The following VPS37B variants were observed in gnomAD, a reference collection of about 807,000 sequenced individuals.
VPS37B encodes the protein vacuolar protein sorting-associated protein 37B.
VPS37B carries 11 observed loss-of-function variants against 21.2 expected under a neutral mutation model. That is an observed-to-expected ratio of 0.52 (90% CI 0.33 to 0.86). VPS37B has a LOEUF of 0.86. Among genes scored for constraint, VPS37B ranks in the 40% least tolerant of loss-of-function variants. The pLI is 0.03. For synonymous variants in VPS37B, 175 were observed against 159.6 expected, an observed-to-expected ratio of 1.10 and a Z score of -0.73; for missense variants, 389 against 374.8, an observed-to-expected ratio of 1.04 and a Z score of -0.31.
chr12:122,867,725 A>G lies in VPS37B; in HGVS notation c.367-118T>C. 1 of 1,396,224 alleles carries G rather than the reference A, an allele frequency of 7.2e-7. No individual in the cohort carries two copies. The allele number at this position is 1,396,224 out of a possible 1,614,324, so 86.5% of individuals were successfully genotyped here. A position where few individuals can be genotyped will look rare whatever the true frequency, so the allele number is the denominator to read the frequency against. ...CTTCCAACACTGCCCCCTCCCTGTA[A>G]CCACCCAGAGGGCCTCGCTCCTGCT... On this transcript the variant is annotated intron_variant, in intron 3 of 3. Coordinates refer to ENST00000267202, the MANE Select transcript of VPS37B (RefSeq NM_024667.3). The surrounding 1 kb of genome is among the most constrained non-coding windows in gnomAD (Gnocchi z 5.5).
At chr12:122,890,550 A>G (rs2034398612) in intron 1 of VPS37B, among the ~76,000 whole-genome samples, 1 of 152,052 alleles carries the variant, frequency 6.6e-6, no homozygotes, top group African/African-American at 2.4e-5. Context: ...CTGGTCTCAA[A>G]CTACGGGGCT....
intron 1 of VPS37B, among the ~76,000 whole-genome samples, chr12:122,892,782 G>A (rs149846197): frequency 4.6e-5 from 7 of 152,126 alleles, no homozygotes; most frequent in Non-Finnish European, 8.8e-5. Context: ...CGGTGGCAGC[G>A]GGGTGCGGTG....
chr12:122,892,994 G>A (rs1368984308), intron 1 of VPS37B, among the ~76,000 whole-genome samples: 1 of 150,908 alleles, frequency 6.6e-6, no homozygotes, highest in Non-Finnish European at 1.5e-5. Flanking sequence ...CCAGGAGGCA[G>A]AGGTTGCAGT....
intron 1 of VPS37B, chr12:122,872,829 C>T: frequency 2.9e-6 from 1 of 350,434 alleles, no homozygotes; most frequent in Non-Finnish European, 4.0e-6. Flanking sequence ...CTGCTCAGGA[C>T]TGTTGAGAGC....
At chr12:122,870,813 T>TCCTA in intron 2 of VPS37B, 77 bp downstream of exon 2, 1 of 1,493,950 alleles carries the variant, frequency 6.7e-7, no homozygotes, top group Non-Finnish European at 9.0e-7. Flanking sequence ...AATATTTCTT[T>TCCTA]CCTGGTAGGG....
intron 1 of VPS37B, among the ~76,000 whole-genome samples, chr12:122,890,382 A>G (rs1237052077): frequency 6.6e-6 from 1 of 151,862 alleles, no homozygotes; most frequent in Non-Finnish European, 1.5e-5. Context: ...CCCAGGCTGA[A>G]GTGCAGTGGC....
rs369271881 is a variant in VPS37B at position 122,888,114 on chromosome 12, A to T, written c.111+7838T>A. On this transcript the variant is annotated intron_variant, in intron 1 of 3. Coordinates refer to ENST00000267202, the MANE Select transcript of VPS37B (RefSeq NM_024667.3). ...ACCTTGGAGATAAAAGGTTTGATTT[A>T]AAAGAAACATTAGCTGTAACGCTGC... The T allele has an allele frequency of 6.4e-4, 103 of 161,194 alleles. 2 individuals are homozygous for T. In the South Asian group the frequency reaches 0.014, roughly 22 times the overall value. The allele number at this position is 161,194 out of a possible 1,614,324, so 10.0% of individuals were successfully genotyped here. A position where few individuals can be genotyped will look rare whatever the true frequency, so the allele number is the denominator to read the frequency against.
Position 122,867,068 on chromosome 12 carries a change from A to C in VPS37B, c.*48T>G, listed in dbSNP as rs1355870294. 3 of 1,476,674 alleles carry C rather than the reference A, an allele frequency of 2.0e-6. No homozygotes were observed. The Admixed American group carries it at 8.2e-5, about 40-fold the overall frequency. 91.5% of individuals were successfully genotyped at this position (1,476,674 alleles called of 1,614,324 possible). A position where few individuals can be genotyped will look rare whatever the true frequency, so the allele number is the denominator to read the frequency against. ...CCAGCCTCCTTCCCGTGAGCAGAGC[A>C]CAACACGCCAGGTGGAAGAAGTCTC... On this transcript the variant is annotated 3_prime_UTR_variant, in exon 4 of 4. Coordinates refer to ENST00000267202, the MANE Select transcript of VPS37B (RefSeq NM_024667.3). The surrounding 1 kb of genome is among the most constrained non-coding windows in gnomAD (Gnocchi z 5.5).
intron 1 of VPS37B, chr12:122,884,352 G>C (rs1287555130): frequency 6.6e-6 from 1 of 152,152 alleles, no homozygotes; most frequent in Non-Finnish European, 1.5e-5. Context: ...CCCCTATCTA[G>C]TCCAGACCTA....
intron 1 of VPS37B, chr12:122,879,937 C>T (rs1240917610): frequency 1.3e-5 from 2 of 152,120 alleles, no homozygotes; most frequent in African/African-American, 4.8e-5. Context: ...TGGTGAAACC[C>T]CGTTTCTGCT....
Position 122,866,598 on chromosome 12 carries a change from T to TC in VPS37B, c.*517dup, listed in dbSNP as rs1319767108. On this transcript the variant is annotated 3_prime_UTR_variant, in exon 4 of 4. Coordinates refer to ENST00000267202, the MANE Select transcript of VPS37B (RefSeq NM_024667.3). ...GTCAGGCGGTGACTATGGTGACCTC[T>TC]CCCCAACAGATTCAGTGAGCAACAA... 2 of 152,640 alleles carry TC rather than the reference T, an allele frequency of 1.3e-5. No homozygotes were observed. Among genetic ancestry groups the TC allele is most frequent in the Non-Finnish European group, 2.9e-5 (2 of 68,190 alleles). 9.5% of individuals were successfully genotyped at this position (152,640 alleles called of 1,614,324 possible). A position where few individuals can be genotyped will look rare whatever the true frequency, so the allele number is the denominator to read the frequency against.
At chr12:122,869,189 A>G (rs371150800) in intron 2 of VPS37B, among the ~76,000 whole-genome samples, 4 of 152,378 alleles carry the variant, frequency 2.6e-5, no homozygotes, top group African/African-American at 9.6e-5. Context: ...ATCACTCTGT[A>G]GACGGACATT....
intron 2 of VPS37B, among the ~76,000 whole-genome samples, chr12:122,869,322 G>A (rs1593905666): frequency 1.3e-5 from 2 of 152,306 alleles, no homozygotes; most frequent in African/African-American, 2.4e-5. Flanking sequence ...GCTGTGCAGC[G>A]CATACACACT....
chr12:122,886,447 C>T (rs933501640), intron 1 of VPS37B: 1 of 149,994 alleles, frequency 6.7e-6, no homozygotes, highest in African/African-American at 2.5e-5. Context: ...ATAGCAAGAC[C>T]TCATCTACAC....
chr12:122,871,447 C>T, intron 1 of VPS37B: 3 of 992,182 alleles, frequency 3.0e-6, no homozygotes, highest in South Asian at 9.1e-5. Flanking sequence ...CTGCTGCTCC[C>T]GAGGAAGTTA....
At position 122,868,132 on chromosome 12, in the gene VPS37B, G is replaced by A; in HGVS notation, c.366+348C>T. On this transcript the variant is annotated intron_variant, in intron 3 of 3. Coordinates refer to ENST00000267202, the MANE Select transcript of VPS37B (RefSeq NM_024667.3). This position sits in a 1 kb window ranked among gnomAD's most constrained non-coding sequence, Gnocchi z 5.5. ...GCCTGGCGAGGCTCAAGGCTCTAAT[G>A]CGCAGCTGGACGTGTCCCAGAAGCT... Among the ~76,000 whole-genome samples the A allele has an allele frequency of 6.6e-6, 1 of 152,232 alleles. No individual in the cohort carries two copies. The highest frequency in any genetic ancestry group is 6.5e-5 in the Admixed American group (1 of 15,290).
intron 1 of VPS37B, chr12:122,874,559 A>G (rs929622745): frequency 6.6e-6 from 1 of 152,102 alleles, no homozygotes; most frequent in Non-Finnish European, 1.5e-5. Context: ...AATAAAGACA[A>G]CTCACGTGTC....
rs1427091904 is a variant in VPS37B, at chr12:122,866,691, A to AG, written c.*424dup. 1 of 155,144 alleles carries AG rather than the reference A, an allele frequency of 6.4e-6. No individual in the cohort carries two copies. Among genetic ancestry groups the AG allele is most frequent in the East Asian group, 1.9e-4 (1 of 5,302 alleles). 9.6% of individuals were successfully genotyped at this position (155,144 alleles called of 1,614,324 possible). ...CGGCCGGCGCCCACCCGCCCTCACC[A>AG]GGGCTGCAGTGGCCGGTGGGTGAGA... On this transcript the variant is annotated 3_prime_UTR_variant, in exon 4 of 4. Transcript: ENST00000267202.
At chr12:122,891,977 C>T (rs1174049092) in intron 1 of VPS37B, among the ~76,000 whole-genome samples, 1 of 146,258 alleles carries the variant, frequency 6.8e-6, no homozygotes, top group African/African-American at 2.5e-5. Context: ...TTAGCAGTAA[C>T]CAATCAGCAT....
Sources: gnomAD v4.1 joint callset for allele counts (sites outside exome capture counted in the v4.1 genomes callset) on GRCh38, gnomAD v4.1.1 for gene constraint, Gnocchi (gnomAD v3.1) non-coding constraint, MANE v1.5 for transcripts, NCBI Gene and HGNC (gene_info 2026-07-23, HGNC 2026-07-21) for gene names.